RORA: variants seen among roughly 807,000 people sequenced by gnomAD.
The protein encoded by RORA is RAR related orphan receptor A.
A neutral mutation model predicts 69.5 loss-of-function variants in RORA; 7 were observed. The observed-to-expected ratio is 0.10, with a 90% CI of 0.06 to 0.19. RORA has a LOEUF of 0.19. RORA is among the 10% of genes least tolerant of loss of function. RORA has a pLI of 1.00. For synonymous variants in RORA, 261 were observed against 240.8 expected (o/e 1.08, Z -0.78); for missense variants, 457 against 663.0 (o/e 0.69, Z 3.41).
rs1485687287 is a variant in RORA, at chr15:61,174,041, G to T, written c.166+55012C>A. On this transcript the variant is annotated intron_variant, in intron 1 of 10. Coordinates refer to ENST00000335670, the MANE Select transcript of RORA (RefSeq NM_134261.3). ...AAATTTTGGAAAACATTTCCATCCT[G>T]TTCCTGGCCATTCACAAACATGGTA... 2.0e-5 allele frequency among the ~76,000 whole-genome samples: 3 copies of T among 152,322 alleles called. No individual in the cohort carries two copies. The East Asian group carries it at 5.8e-4, about 29-fold the overall frequency.
At chr15:60,702,971 A>G (rs1041792883) in intron 1 of RORA, among the ~76,000 whole-genome samples, 9 of 152,194 alleles carry the variant, frequency 5.9e-5, no homozygotes, top group African/African-American at 1.9e-4. Context: ...CTTTCTCACA[A>G]TGAGATGTTC....
intron 1 of RORA, among the ~76,000 whole-genome samples, chr15:60,898,826 A>G (rs1595801776): frequency 1.3e-5 from 2 of 152,232 alleles, no homozygotes; most frequent in Non-Finnish European, 2.9e-5. Context: ...AAGAATATCT[A>G]TTCAAAATGA....
chr15:61,115,366 T>A (rs2079041742), intron 1 of RORA, among the ~76,000 whole-genome samples: 2 of 152,030 alleles, frequency 1.3e-5, no homozygotes, highest in African/African-American at 4.8e-5. Context: ...AACCACTAAC[T>A]TTAAAGGGAG....
chr15:60,896,700 C>A (rs1363166996), intron 1 of RORA, among the ~76,000 whole-genome samples: 3 of 149,642 alleles, frequency 2.0e-5, no homozygotes, highest in African/African-American at 7.4e-5. Flanking sequence ...CCCATTAAGC[C>A]TGTTTAATTA....
At chr15:60,499,851 G>T (rs956329721) in intron 10 of RORA, 41 bp downstream of exon 10, 11 of 1,103,294 alleles carry the variant, frequency 1.0e-5, no homozygotes, top group South Asian at 5.4e-5. Flanking sequence ...TGTGCCAGGG[G>T]ATAGTTCAGG....
intron 1 of RORA, among the ~76,000 whole-genome samples, chr15:61,111,045 C>G (rs184125879): frequency 1.1e-4 from 17 of 151,966 alleles, no homozygotes; most frequent in African/African-American, 3.6e-4. Context: ...AGACCTCCCC[C>G]AAAAAAGGAG....
intron 2 of RORA, among the ~76,000 whole-genome samples, chr15:60,539,377 C>A (rs2066785798): frequency 6.6e-6 from 1 of 152,190 alleles, no homozygotes; most frequent in African/African-American, 2.4e-5. Flanking sequence ...ATATGTATCT[C>A]TGCTAAAAGC....
chr15:60,539,868 G>GA (rs2140346772), intron 2 of RORA, among the ~76,000 whole-genome samples: 1 of 152,230 alleles, frequency 6.6e-6, no homozygotes, highest in East Asian at 1.9e-4. Flanking sequence ...GTTGGCGTAA[G>GA]GTCCCTCTAA....
chr15:61,049,266 C>T (rs149517712), intron 1 of RORA, among the ~76,000 whole-genome samples: 1 of 152,302 alleles, frequency 6.6e-6, no homozygotes, highest in East Asian at 1.9e-4. Context: ...CTCAGAACTC[C>T]CACTTACGTT....
Position 60,531,527 on chromosome 15 carries a change from G to C in RORA, c.282+239C>G. The stretch of plus-strand genomic sequence containing the variant: ...TGAGTTCAACTCTGGGGTTGAAAGT[G>C]ATAAACAAGCAATGCTCAAATACCT... On this transcript the variant is annotated intron_variant, in intron 3 of 10. Coordinates refer to ENST00000335670, the MANE Select transcript of RORA (RefSeq NM_134261.3). The surrounding 1 kb of genome is among the most constrained non-coding windows in gnomAD (Gnocchi z 4.8). 1 of 427,114 alleles carries C rather than the reference G, an allele frequency of 2.3e-6. No individual in the cohort carries two copies. The highest frequency in any genetic ancestry group is 4.1e-6 in the Non-Finnish European group (1 of 245,784). 26.5% of individuals were successfully genotyped at this position (427,114 alleles called of 1,614,324 possible). A position where few individuals can be genotyped will look rare whatever the true frequency, so the allele number is the denominator to read the frequency against.
At chr15:60,795,468 C>T (rs555369107) in intron 1 of RORA, among the ~76,000 whole-genome samples, 12 of 152,338 alleles carry the variant, frequency 7.9e-5, no homozygotes, top group African/African-American at 2.9e-4. Flanking sequence ...AAGAATTTGA[C>T]AACTGTTTAG....
rs369100974 is a variant in RORA at position 61,037,574 on chromosome 15, A to C, written c.166+191479T>G. ...TGCTGCCTCACTTCATGGGAATCCC[A>C]TTCAACACCAGTCTAGGAAGAGATG... On this transcript the variant is annotated intron_variant, in intron 1 of 10. Transcript: ENST00000335670. Among the ~76,000 whole-genome samples, 265 of 152,326 alleles carry C rather than the reference A, an allele frequency of 1.7e-3. 2 individuals carry two copies. Among genetic ancestry groups the C allele is most frequent in the African/African-American group, 6.1e-3 (252 of 41,570 alleles).
intron 1 of RORA, among the ~76,000 whole-genome samples, chr15:60,811,371 C>T (rs983082606): frequency 6.6e-6 from 1 of 152,190 alleles, no homozygotes; most frequent in African/African-American, 2.4e-5. Context: ...TTCAGCTTTC[C>T]TGTATCTGAT....
intron 2 of RORA, among the ~76,000 whole-genome samples, chr15:60,671,067 GATATATATATATATAT>G (rs10577286): frequency 4.9e-5 from 6 of 122,308 alleles, no homozygotes; most frequent in African/African-American, 2.4e-4. Context: ...ATATCCCATT[GATATATATATATATAT>G]ATATATATAT....
At chr15:60,776,765 A>T (rs997387410) in intron 1 of RORA, among the ~76,000 whole-genome samples, 1 of 152,210 alleles carries the variant, frequency 6.6e-6, no homozygotes, top group Non-Finnish European at 1.5e-5. Context: ...TAGACATGGC[A>T]TCAGTAACAG....
At chr15:60,760,831 C>T (rs2071874313) in intron 1 of RORA, among the ~76,000 whole-genome samples, 1 of 151,950 alleles carries the variant, frequency 6.6e-6, no homozygotes, top group Non-Finnish European at 1.5e-5. Context: ...AATGACGATG[C>T]ATGTCTATAC....
At chr15:61,138,699 C>A (rs1264429211) in intron 1 of RORA, among the ~76,000 whole-genome samples, 1 of 151,980 alleles carries the variant, frequency 6.6e-6, no homozygotes, top group Non-Finnish European at 1.5e-5. Context: ...TTCTGTGGAA[C>A]GTCTGTGCCC....
intron 1 of RORA, among the ~76,000 whole-genome samples, chr15:61,170,471 C>A (rs1023822677): frequency 1.3e-5 from 2 of 152,162 alleles, no homozygotes; most frequent in South Asian, 2.1e-4. Flanking sequence ...TGTAATTACA[C>A]TGAGCTCGCC....
intron 1 of RORA, among the ~76,000 whole-genome samples, chr15:60,766,758 G>A (rs977790992): frequency 2.0e-5 from 3 of 151,656 alleles, no homozygotes; most frequent in African/African-American, 7.3e-5. Flanking sequence ...CTGGGCTTGT[G>A]CTATGGCATT....
Sources: allele counts gnomAD v4.1 joint callset (sites outside exome capture counted in the v4.1 genomes callset), GRCh38; gene constraint gnomAD v4.1.1; non-coding constraint Gnocchi (gnomAD v3.1); transcripts MANE v1.5; gene names NCBI Gene and HGNC (gene_info 2026-07-23, HGNC 2026-07-21).